Variants in CACNA2D3 observed in about 807,000 individuals in gnomAD.
CACNA2D3 encodes calcium voltage-gated channel auxiliary subunit alpha2delta 3.
Under a neutral mutation model 160.6 loss-of-function variants are expected in CACNA2D3, and 60 were observed. The ratio of observed to expected loss-of-function variants is 0.37; its 90% CI spans 0.30 to 0.46. The LOEUF is 0.46. CACNA2D3 is among the 20% of genes least tolerant of loss of function. The probability of loss-of-function intolerance (pLI) is 1.00; values close to 1 mark genes in which losing one functional copy is unlikely to be tolerated. For missense variants in CACNA2D3, 1,205 were observed against 1,365.0 expected (o/e 0.88, Z 1.85); for synonymous variants, 558 against 492.9 (o/e 1.13, Z -1.75).
chr3:54,710,877 A>G (rs1700940349), intron 11 of CACNA2D3, among the ~76,000 whole-genome samples: 1 of 152,178 alleles, frequency 6.6e-6, no homozygotes, highest in Admixed American at 6.5e-5. Context: ...ATTTAATTAA[A>G]TCTCCTTACC....
At chr3:54,792,605 CCT>C (rs1194621661) in intron 13 of CACNA2D3, among the ~76,000 whole-genome samples, 1 of 152,006 alleles carries the variant, frequency 6.6e-6, no homozygotes, top group Non-Finnish European at 1.5e-5. Context: ...GGCTTTTTCC[CCT>C]GTGTGCAGTC....
At chr3:54,245,718 C>T (rs541815477) in intron 2 of CACNA2D3, among the ~76,000 whole-genome samples, 25 of 152,332 alleles carry the variant, frequency 1.6e-4, no homozygotes, top group Admixed American at 6.5e-4. Flanking sequence ...CCCCCAGTCT[C>T]TCATCAGTGT....
intron 5 of CACNA2D3, among the ~76,000 whole-genome samples, chr3:54,543,185 T>G (rs1185036522): frequency 6.6e-6 from 1 of 152,222 alleles, no homozygotes; most frequent in African/African-American, 2.4e-5. Flanking sequence ...AATGCTATAC[T>G]GCTGTTACAG....
intron 13 of CACNA2D3, among the ~76,000 whole-genome samples, chr3:54,803,860 G>T (rs1172049337): frequency 3.3e-5 from 5 of 152,160 alleles, no homozygotes; most frequent in Non-Finnish European, 2.9e-5. Flanking sequence ...GGATCTCTCG[G>T]CAGAAACTCC....
At chr3:54,724,468 C>G (rs781078544) in intron 11 of CACNA2D3, among the ~76,000 whole-genome samples, 11 of 152,180 alleles carry the variant, frequency 7.2e-5, no homozygotes, top group Non-Finnish European at 1.3e-4. Flanking sequence ...AATATACATT[C>G]TTTTCAGCGC....
In CACNA2D3 at chr3:54,479,652, A is replaced by G. The variant is rs554764207; in HGVS notation, c.382-23840A>G. 4.6e-5 allele frequency among the ~76,000 whole-genome samples: 7 copies of G among 152,244 alleles called. No homozygotes were observed. In the South Asian group the frequency reaches 1.5e-3, roughly 32 times the overall value. The stretch of plus-strand genomic sequence containing the variant: ...CTTGGAGACATCAGAAACCGATAGG[A>G]GAGAAGGCTACACATTAGTCTGTGT... On this transcript the variant is annotated intron_variant, in intron 4 of 37. Coordinates refer to ENST00000474759, the MANE Select transcript of CACNA2D3 (RefSeq NM_018398.3).
chr3:54,229,679 C>T (rs1283825800), intron 2 of CACNA2D3, among the ~76,000 whole-genome samples: 2 of 152,096 alleles, frequency 1.3e-5, no homozygotes, highest in Admixed American at 6.5e-5. Context: ...ATTTGCTATT[C>T]GGTCCCCCTT....
intron 3 of CACNA2D3, among the ~76,000 whole-genome samples, chr3:54,342,910 A>G (rs1698384824): frequency 6.6e-6 from 1 of 152,176 alleles, no homozygotes; most frequent in African/African-American, 2.4e-5. Flanking sequence ...CACCTGCCTC[A>G]GAGGAGCATG....
chr3:54,976,990 A>T (rs530960386), intron 29 of CACNA2D3, among the ~76,000 whole-genome samples: 1 of 152,248 alleles, frequency 6.6e-6, no homozygotes, highest in African/African-American at 2.4e-5. Flanking sequence ...TTTTCTCTAA[A>T]TAAAGTGGAA....
chr3:54,176,590 C>G lies in CACNA2D3; in HGVS notation c.204+52996C>G, dbSNP rs184167834. Among the ~76,000 whole-genome samples the G allele has an allele frequency of 1.5e-3, 235 of 152,332 alleles. 2 individuals carry two copies. Among genetic ancestry groups the G allele is most frequent in the African/African-American group, 5.3e-3 (222 of 41,576 alleles). ...TCTGATTCAGCCTTAAAATCTGTTT[C>G]CCACGTGAGTCTGTATATTGTGGTG... On this transcript the variant is annotated intron_variant, in intron 2 of 37. Transcript: ENST00000474759.
intron 27 of CACNA2D3, among the ~76,000 whole-genome samples, chr3:54,956,269 G>T (rs1399509402): frequency 1.3e-5 from 2 of 152,214 alleles, no homozygotes; most frequent in Non-Finnish European, 1.5e-5. Context: ...ACCCGTAAGC[G>T]CATGGTCTTC....
At chr3:54,167,087 A>G (rs566851376) in intron 2 of CACNA2D3, among the ~76,000 whole-genome samples, 2 of 152,300 alleles carry the variant, frequency 1.3e-5, no homozygotes, top group South Asian at 2.1e-4. Context: ...AAGAATTTCT[A>G]TGTACAGAGT....
At chr3:54,135,994 G>C (rs956380776) in intron 2 of CACNA2D3, among the ~76,000 whole-genome samples, 10 of 152,230 alleles carry the variant, frequency 6.6e-5, no homozygotes, top group African/African-American at 2.4e-4. Context: ...GGGGGAGGCA[G>C]CCCTGAGCCC....
At chr3:54,989,581 G>C (rs1702693595) in intron 31 of CACNA2D3, among the ~76,000 whole-genome samples, 1 of 152,168 alleles carries the variant, frequency 6.6e-6, no homozygotes, top group Non-Finnish European at 1.5e-5. Context: ...CCAGCTGCTT[G>C]ATTTAGTCAG....
At chr3:54,615,849 A>G (rs1232852039) in intron 9 of CACNA2D3, among the ~76,000 whole-genome samples, 3 of 152,156 alleles carry the variant, frequency 2.0e-5, no homozygotes, top group Non-Finnish European at 4.4e-5. Context: ...GTGAGCAAGC[A>G]TTACCACCTG....
At chr3:54,642,607 C>T (rs1374886726) in intron 11 of CACNA2D3, among the ~76,000 whole-genome samples, 2 of 152,164 alleles carry the variant, frequency 1.3e-5, no homozygotes, top group South Asian at 2.1e-4. Flanking sequence ...GGTAGCCCTG[C>T]AGGCCTCTCC....
chr3:54,624,726 G>T (rs577124798), intron 9 of CACNA2D3, among the ~76,000 whole-genome samples: 1 of 152,216 alleles, frequency 6.6e-6, no homozygotes, highest in Non-Finnish European at 1.5e-5. Context: ...ACTTGTAAAG[G>T]CAGAGTCTGG....
At chr3:54,402,839 G>A (rs1575436047) in intron 4 of CACNA2D3, among the ~76,000 whole-genome samples, 1 of 152,282 alleles carries the variant, frequency 6.6e-6, no homozygotes. Flanking sequence ...TTCTTCTCTA[G>A]TGCACGTGGA....
At position 55,065,853 on chromosome 3, in the gene CACNA2D3, T is replaced by C. The variant is rs192142101; in HGVS notation, c.2988-7592T>C. ...CTTGCATTTCTAGGCCAATCCTCAC[T>C]GTGGCATGCTATGTTGCTTTTTCAA... On this transcript the variant is annotated intron_variant, in intron 35 of 37. Transcript: ENST00000474759. 8.5e-5 allele frequency among the ~76,000 whole-genome samples: 13 copies of C among 152,338 alleles called. No homozygotes were observed. The East Asian group carries it at 2.5e-3, about 29-fold the overall frequency.
Sources: allele counts gnomAD v4.1 joint callset (sites outside exome capture counted in the v4.1 genomes callset), GRCh38; gene constraint gnomAD v4.1.1; transcripts MANE v1.5; gene names NCBI Gene and HGNC (gene_info 2026-07-23, HGNC 2026-07-21).